Variants in ADGRV1 observed in about 807,000 individuals in gnomAD.
ADGRV1 encodes adhesion G protein-coupled receptor V1.
Under a neutral mutation model 596.2 loss-of-function variants are expected in ADGRV1, and 359 were observed. That is an observed-to-expected ratio of 0.60 (90% confidence interval 0.55 to 0.66). ADGRV1 has a LOEUF of 0.66. Among genes scored for constraint, ADGRV1 ranks in the 30% least tolerant of loss-of-function variants. The pLI, the probability that ADGRV1 is intolerant of heterozygous loss-of-function variation, is 0.00. For missense variants in ADGRV1, 7,274 were observed against 7,575.6 expected, an observed-to-expected ratio of 0.96 and a Z score of 1.48; for synonymous variants, 2,681 against 2,679.2, an observed-to-expected ratio of 1.00 and a Z score of -0.02.
chr5:90,738,129 C>G (rs1209771177), intron 50 of ADGRV1, among the ~76,000 whole-genome samples: 1 of 152,000 alleles, frequency 6.6e-6, no homozygotes, highest in African/African-American at 2.4e-5. Flanking sequence ...ATGAGGCTTA[C>G]ATAAAACATC....
At chr5:90,879,568 A>T (rs1299896074) in intron 83 of ADGRV1, among the ~76,000 whole-genome samples, 2 of 152,132 alleles carry the variant, frequency 1.3e-5, no homozygotes, top group Non-Finnish European at 2.9e-5. Flanking sequence ...AGTTTCTTAA[A>T]ATTTCAATTT....
intron 64 of ADGRV1, among the ~76,000 whole-genome samples, chr5:90,780,635 T>C (rs1355309117): frequency 6.6e-6 from 1 of 152,170 alleles, no homozygotes; most frequent in Admixed American, 6.6e-5. Context: ...GAATTGATTA[T>C]GATTGGTTTC....
intron 84 of ADGRV1, among the ~76,000 whole-genome samples, chr5:90,982,177 A>C (rs999094813): frequency 1.3e-5 from 2 of 152,206 alleles, no homozygotes; most frequent in South Asian, 2.1e-4. Flanking sequence ...TTCATTGTTT[A>C]ATATGAGAAG....
rs547829526 is a variant in ADGRV1 at position 91,164,024 on chromosome 5, C to T, written c.*124C>T. On this transcript the variant is annotated 3_prime_UTR_variant, in exon 90 of 90. Transcript: ENST00000405460. ...AATTGTACTGGATGATTAATACAAACGTGATTGTTGTATTTGGAGTATAAA... is the reference window on the plus strand; with the variant it reads ...AATTGTACTGGATGATTAATACAAATGTGATTGTTGTATTTGGAGTATAAA... 6.1e-5 allele frequency: 43 copies of T among 703,096 alleles called. No homozygotes were observed. Among genetic ancestry groups the T allele is most frequent in the South Asian group, 3.0e-4 (20 of 66,848 alleles). The allele number at this position is 703,096 out of a possible 1,614,324, so 43.6% of individuals were successfully genotyped here. A position where few individuals can be genotyped will look rare whatever the true frequency, so the allele number is the denominator to read the frequency against.
At chr5:90,725,030 G>A in intron 46 of ADGRV1, 41 bp downstream of exon 46, 1 of 1,543,902 alleles carries the variant, frequency 6.5e-7, no homozygotes, top group Middle Eastern at 1.7e-4. Flanking sequence ...AATAAAATGT[G>A]CAGATAAATT....
intron 85 of ADGRV1, among the ~76,000 whole-genome samples, chr5:91,007,622 T>A (rs569006915): frequency 5.8e-4 from 89 of 152,290 alleles, no homozygotes; most frequent in Non-Finnish European, 1.1e-3. Flanking sequence ...ACTGAAAGAC[T>A]TCCCCCTACC....
rs1213730220 is a variant in ADGRV1 at position 90,825,846 on chromosome 5, TCA to T, written c.16368+2251_16368+2252del. ...GCTACTGAGCCCATTATCAAAAGTT[TCA>T]GTTAGGTAAGAGAAAAAAATTAGTC... On this transcript the variant is annotated intron_variant, in intron 76 of 89. Transcript: ENST00000405460. The T allele has an allele frequency of 4.6e-5, 7 of 152,200 alleles. No individual in the cohort carries two copies. The South Asian group carries it at 6.2e-4, about 14-fold the overall frequency. 9.4% of individuals were successfully genotyped at this position (152,200 alleles called of 1,614,324 possible). A position where few individuals can be genotyped will look rare whatever the true frequency, so the allele number is the denominator to read the frequency against.
chr5:90,815,415 T>G (rs1027737677), intron 74 of ADGRV1, among the ~76,000 whole-genome samples: 2 of 151,752 alleles, frequency 1.3e-5, no homozygotes, highest in Non-Finnish European at 2.9e-5. Context: ...GTTTTATTTC[T>G]TCTTTTCTTC....
In ADGRV1 at chr5:90,708,923, CTTGT is replaced by C. The variant is rs1401202837; in HGVS notation, c.8824+21_8824+24del. 12 of 1,563,754 alleles carry C rather than the reference CTTGT, an allele frequency of 7.7e-6. No individual in the cohort carries two copies. The highest frequency in any genetic ancestry group is 1.1e-5 in the Non-Finnish European group (12 of 1,135,406). The stretch of plus-strand genomic sequence containing the variant: ...CTCCCAGACTAGGTATGAGGGGTTT[CTTGT>C]TTGTTTCTTTTTGCTCACTTCAAAT... On this transcript the variant is annotated intron_variant, in intron 39 of 89. Transcript: ENST00000405460.
At position 90,828,977 on chromosome 5, in the gene ADGRV1, C is replaced by G; in HGVS notation, c.16402C>G (p.Leu5468Val). ...GGTTGAAGTGTATTTTTTTGTGGAA[C>G]TATATGAAGCTACTGCTGGAGCAGC... ...PQVEVYFFVE[L>V]YEATAGAAIN... Residue 5468 changes from leucine (L) to valine (V), a missense_variant, in exon 77 of 90, where the codon CTA (leucine) becomes GTA (valine). By Grantham distance (32) the Leu-to-Val change is conservative. Transcript: ENST00000405460. The G allele has an allele frequency of 6.3e-7, 1 of 1,585,822 alleles. No homozygotes were observed. Among genetic ancestry groups the G allele is most frequent in the Non-Finnish European group, 8.6e-7 (1 of 1,163,518 alleles).
At position 90,810,715 on chromosome 5, in the gene ADGRV1, C is replaced by G. The variant is rs779293912; in HGVS notation, c.15455C>G (p.Pro5152Arg). ...GTAGCAGTTGACACAACTCTCATTC[C>G]TGTAGAAACTGAATCCACCACATAC... The part of the protein sequence containing the change: ...VAVAVDTTLI[P>R]VETESTTYLS... Residue 5152 changes from proline (P) to arginine (R), a missense_variant, in exon 74 of 90, where the codon CCT (proline) becomes CGT (arginine). Around this residue, in one of 5 missense-constraint regions of ADGRV1, gnomAD observed 1,874 missense variants for 1,970.2 expected, o/e 0.95. Transcript: ENST00000405460. 6 of 1,613,836 alleles carry G rather than the reference C, an allele frequency of 3.7e-6. No individual in the cohort carries two copies. Among genetic ancestry groups the G allele is most frequent in the Non-Finnish European group, 4.2e-6 (5 of 1,179,860 alleles).
chr5:91,109,517 G>C (rs988897696), intron 87 of ADGRV1, among the ~76,000 whole-genome samples: 14 of 152,120 alleles, frequency 9.2e-5, no homozygotes, highest in African/African-American at 3.4e-4. Flanking sequence ...CATGCCTACT[G>C]AGCCCAGATT....
chr5:90,608,975 A>G (rs1247706357), intron 1 of ADGRV1, among the ~76,000 whole-genome samples: 1 of 152,166 alleles, frequency 6.6e-6, no homozygotes, highest in Admixed American at 6.5e-5. Context: ...TTTATTGATG[A>G]GAGATACAAT....
At chr5:91,056,708 C>T (rs765932815) in intron 85 of ADGRV1, among the ~76,000 whole-genome samples, 1 of 152,054 alleles carries the variant, frequency 6.6e-6, no homozygotes, top group Non-Finnish European at 1.5e-5. Flanking sequence ...CGATGGCTGC[C>T]CACTAGGCTT....
intron 83 of ADGRV1, among the ~76,000 whole-genome samples, chr5:90,904,270 A>G (rs1194680169): frequency 1.3e-5 from 2 of 152,130 alleles, no homozygotes; most frequent in Non-Finnish European, 2.9e-5. Context: ...TCTTTTGGGT[A>G]TATACCCAGC....
At chr5:91,098,028 A>T (rs944745428) in intron 86 of ADGRV1, among the ~76,000 whole-genome samples, 1 of 152,184 alleles carries the variant, frequency 6.6e-6, no homozygotes. Context: ...TATTGAGAAC[A>T]TTGAAATGAT....
chr5:90,888,177 T>C (rs1305339800), intron 83 of ADGRV1, among the ~76,000 whole-genome samples: 1 of 152,158 alleles, frequency 6.6e-6, no homozygotes. Flanking sequence ...TCATGTCACA[T>C]TTATGTTGAC....
rs1025906049 is a variant in ADGRV1 at position 90,982,333 on chromosome 5, C to A, written c.17974-3011C>A. Among the ~76,000 whole-genome samples, 7 of 152,132 alleles carry A rather than the reference C, an allele frequency of 4.6e-5. No homozygotes were observed. The East Asian group carries it at 1.4e-3, about 29-fold the overall frequency. ...TGCTTAATTTTGCAGTTTCCAAGAA[C>A]CTATTGATGGTATTAAGTGAGGACA... On this transcript the variant is annotated intron_variant, in intron 84 of 89. Coordinates refer to ENST00000405460, the MANE Select transcript of ADGRV1 (RefSeq NM_032119.4).
At chr5:90,780,290 A>C (rs1758701388) in intron 64 of ADGRV1, among the ~76,000 whole-genome samples, 1 of 152,184 alleles carries the variant, frequency 6.6e-6, no homozygotes, top group Admixed American at 6.5e-5. Flanking sequence ...AAGTAGTACA[A>C]TTAGCTAATC....
Sources: allele counts gnomAD v4.1 joint callset (sites outside exome capture counted in the v4.1 genomes callset), GRCh38; gene constraint gnomAD v4.1.1; regional missense constraint gnomAD v4.1.1; transcripts MANE v1.5; gene names NCBI Gene and HGNC (gene_info 2026-07-23, HGNC 2026-07-21).